NFATC4: variants seen among roughly 807,000 people sequenced by gnomAD.
NFATC4 encodes nuclear factor of activated T cells 4.
In NFATC4, 25 loss-of-function variants were observed where a neutral mutation model predicts 73.4. The observed-to-expected ratio is 0.34, with a 90% CI of 0.25 to 0.48. The LOEUF (loss-of-function observed/expected upper bound fraction) is 0.48, where lower values mean the gene tolerates loss of function less well. NFATC4 is among the 20% of genes least tolerant of loss of function. The probability of loss-of-function intolerance (pLI) is 0.99; values close to 1 mark genes in which losing one functional copy is unlikely to be tolerated. For missense variants in NFATC4, 1,130 were observed against 1,203.7 expected (o/e 0.94, Z 0.91); for synonymous variants, 523 against 510.3 (o/e 1.02, Z -0.34).
At chr14:24,367,566 A>G (rs2042339302), upstream of NFATC4, 3 of 1,536,118 alleles carry the variant, frequency 2.0e-6, no homozygotes, top group Non-Finnish European at 2.6e-6. Flanking sequence ...AGCGTTCTTC[A>G]TCTTTGGGGG....
intron 5 of NFATC4, 162 bp from the exon 6 acceptor site, chr14:24,374,164 G>C (rs761720030): frequency 1.0e-6 from 1 of 998,258 alleles, no homozygotes; most frequent in South Asian, 1.4e-5. Context: ...CCCCTTACAT[G>C]GTGTATGTGA....
chr14:24,370,193 A>G lies in NFATC4; in HGVS notation c.795A>G (p.Pro265=), dbSNP rs772411227. 1.9e-6 allele frequency: 3 copies of G among 1,607,746 alleles called. No homozygotes were observed. Among genetic ancestry groups the G allele is most frequent in the Non-Finnish European group, 2.5e-6 (3 of 1,179,864 alleles). The stretch of plus-strand genomic sequence containing the variant: ...CAGCCTCCCCGCGGCCTGCCTCTCC[A>G]TGTGGCAAGCGGCGCTATTCCAGCT... The part of the protein sequence containing the change: ...PTPASPRPAS[P]CGKRRYSSSG... Residue 265 remains proline, a synonymous_variant, in exon 2 of 10, where the codon CCA becomes CCG. Coordinates refer to ENST00000250373, the MANE Select transcript of NFATC4 (RefSeq NM_004554.5).
In NFATC4 at chr14:24,377,304, A is replaced by T. The variant is rs2042650394; in HGVS notation, c.2642-334A>T. On this transcript the variant is annotated intron_variant, in intron 9 of 9. Transcript: ENST00000250373. This position sits in a 1 kb window ranked among gnomAD's most constrained non-coding sequence, Gnocchi z 4.2. ...GTGTCTGTGGTCAGGGTTGGTGAGG[A>T]GGAGCTTTCCTGTTTTGCCTCTCCT... 4 of 1,267,854 alleles carry T rather than the reference A, an allele frequency of 3.2e-6. No individual in the cohort carries two copies. Among genetic ancestry groups the T allele is most frequent in the Non-Finnish European group, 4.0e-6 (4 of 1,006,578 alleles). The allele number at this position is 1,267,854 out of a possible 1,614,324, so 78.5% of individuals were successfully genotyped here. A position where few individuals can be genotyped will look rare whatever the true frequency, so the allele number is the denominator to read the frequency against.
chr14:24,373,945 C>A lies in NFATC4; in HGVS notation c.1732+78C>A. 1.3e-6 allele frequency: 2 copies of A among 1,568,764 alleles called. No homozygotes were observed. Among genetic ancestry groups the A allele is most frequent in the South Asian group, 1.1e-5 (1 of 87,650 alleles). ...GTGTGTGTGTGTCTGTCTGCCCATT[C>A]CCTCTGCAGCGTCCTGTGCCCTGTC... On this transcript the variant is annotated intron_variant, in intron 5 of 9. Transcript: ENST00000250373. This position sits in a 1 kb window ranked among gnomAD's most constrained non-coding sequence, Gnocchi z 4.7.
intron 5 of NFATC4, 39 bp from the exon 6 acceptor site, chr14:24,374,287 C>T (rs1413931949): frequency 6.4e-7 from 1 of 1,574,356 alleles, no homozygotes; most frequent in Non-Finnish European, 8.6e-7. Context: ...CCCCTCCATG[C>T]CCAGCCCAGC....
In NFATC4 at chr14:24,369,306, G is replaced by A. The variant is rs959863269; in HGVS notation, c.101-193G>A. 2.5e-6 allele frequency: 4 copies of A among 1,576,450 alleles called. No homozygotes were observed. The Admixed American group carries it at 7.2e-5, about 28-fold the overall frequency. On this transcript the variant is annotated intron_variant, in intron 1 of 9. Transcript: ENST00000250373. ...AGGATCCAGGGGCCAGTGGGCAAAGGCCTGGCATGCCTGCTTCAATCTCCT... is the reference window on the plus strand; with the variant it reads ...AGGATCCAGGGGCCAGTGGGCAAAGACCTGGCATGCCTGCTTCAATCTCCT...
At position 24,377,026 on chromosome 14, in the gene NFATC4, T is replaced by TG; in HGVS notation, c.2641+149dup. Reference sequence around the variant, plus strand: ...AGGTTCCCAGGAGGCATGTTCTTGATGCCTGTGGCTGCCTGAATCCAATTA... The same window carrying TG: ...AGGTTCCCAGGAGGCATGTTCTTGATGGCCTGTGGCTGCCTGAATCCAATTA... On this transcript the variant is annotated intron_variant, in intron 9 of 9. Transcript: ENST00000250373. This position sits in a 1 kb window ranked among gnomAD's most constrained non-coding sequence, Gnocchi z 4.2. 1 of 1,390,830 alleles carries TG rather than the reference T, an allele frequency of 7.2e-7. No homozygotes were observed. Among genetic ancestry groups the TG allele is most frequent in the Non-Finnish European group, 9.3e-7 (1 of 1,078,390 alleles). The allele number at this position is 1,390,830 out of a possible 1,614,324, so 86.2% of individuals were successfully genotyped here. A position where few individuals can be genotyped will look rare whatever the true frequency, so the allele number is the denominator to read the frequency against.
intron 3 of NFATC4, 111 bp downstream of exon 3, chr14:24,372,714 C>A (rs566242174): frequency 3.6e-6 from 5 of 1,400,126 alleles, no homozygotes; most frequent in Non-Finnish European, 4.9e-6. Context: ...TCTGACCCTG[C>A]AGGCAGCCTG....
chr14:24,375,844 T>C (rs796901323), intron 7 of NFATC4, 129 bp downstream of exon 7: 1 of 1,535,984 alleles, frequency 6.5e-7, no homozygotes, highest in Non-Finnish European at 9.0e-7. Context: ...TGTAAGCAGG[T>C]GCATCTCTAG....
Position 24,370,606 on chromosome 14 carries a change from G to A in NFATC4, c.1196+12G>A, listed in dbSNP as rs778422832. ...AGCCCTATCTTCAGGTGAGGGTTGC[G>A]CCTGGCACTACCGCTCTCTCTAGCC... On this transcript the variant is annotated intron_variant, in intron 2 of 9. Coordinates refer to ENST00000250373, the MANE Select transcript of NFATC4 (RefSeq NM_004554.5). The A allele has an allele frequency of 3.3e-5, 53 of 1,596,408 alleles. No individual in the cohort carries two copies. Among genetic ancestry groups the A allele is most frequent in the Admixed American group, 6.7e-5 (4 of 59,464 alleles).
chr14:24,377,488 G>A lies in NFATC4; in HGVS notation c.2642-150G>A, dbSNP rs955775812. On this transcript the variant is annotated intron_variant, in intron 9 of 9. Transcript: ENST00000250373. This position sits in a 1 kb window ranked among gnomAD's most constrained non-coding sequence, Gnocchi z 4.2. ...GGAGCAGGTGTCAAGACGTGTTGGG[G>A]AAACTGAGGCCCAGTGGAATAGAAG... 1 of 1,459,776 alleles carries A rather than the reference G, an allele frequency of 6.9e-7. No homozygotes were observed. The highest frequency in any genetic ancestry group is 9.0e-7 in the Non-Finnish European group (1 of 1,109,172). The allele number at this position is 1,459,776 out of a possible 1,614,324, so 90.4% of individuals were successfully genotyped here. A position where few individuals can be genotyped will look rare whatever the true frequency, so the allele number is the denominator to read the frequency against.
chr14:24,368,408 C>G lies in NFATC4; in HGVS notation c.68C>G (p.Ala23Gly), dbSNP rs775812863. The change falls in exon 1 of 10, where the codon GCC becomes GGC. Residue 23 changes from alanine to glycine, a missense_variant. By Grantham distance (60) the Ala-to-Gly change is moderately conservative (BLOSUM62 0). Around this residue, in one of 3 missense-constraint regions of NFATC4, gnomAD observed 585 missense variants for 574.3 expected, o/e 1.02. Transcript: ENST00000250373. ...FKLVFGEEKEAPPLGAGGLGE... is the reference protein window; with the variant it reads ...FKLVFGEEKEGPPLGAGGLGE... Reference sequence around the variant, plus strand: ...CTGGTGTTCGGGGAGGAAAAGGAGGCCCCCCCGCTGGGCGCGGGGGGATTG... The same window carrying G: ...CTGGTGTTCGGGGAGGAAAAGGAGGGCCCCCCGCTGGGCGCGGGGGGATTG... The G allele has an allele frequency of 3.7e-6, 5 of 1,345,382 alleles. No homozygotes were observed. The highest frequency in any genetic ancestry group is 4.8e-6 in the Non-Finnish European group (5 of 1,046,224). 83.3% of individuals were successfully genotyped at this position (1,345,382 alleles called of 1,614,324 possible). A position where few individuals can be genotyped will look rare whatever the true frequency, so the allele number is the denominator to read the frequency against.
intron 3 of NFATC4, chr14:24,372,853 C>T: frequency 1.6e-6 from 1 of 609,992 alleles, no homozygotes; most frequent in South Asian, 2.0e-5. Context: ...AAATGGTGGC[C>T]CGCCAGATAT....
upstream of NFATC4, chr14:24,367,929 T>A: frequency 7.9e-7 from 1 of 1,271,178 alleles, no homozygotes; most frequent in Non-Finnish European, 9.9e-7. Context: ...GGGAAATGAT[T>A]GTCACAACGG....
Position 24,378,732 on chromosome 14 carries a change from G to T in NFATC4, c.*1027G>T, listed in dbSNP as rs1361336744. ...TACCCAGCAGCTCTGAATGTCACCT[G>T]CCCTGGGGCTTACAGCACTATATGA... is the stretch of plus-strand genomic sequence containing the variant. On this transcript the variant is annotated 3_prime_UTR_variant, in exon 10 of 10. Coordinates refer to ENST00000250373, the MANE Select transcript of NFATC4 (RefSeq NM_004554.5). 6.6e-6 allele frequency: 1 copy of T among 152,322 alleles called. No individual in the cohort carries two copies. The highest frequency in any genetic ancestry group is 1.5e-5 in the Non-Finnish European group (1 of 68,108). 9.4% of individuals were successfully genotyped at this position (152,322 alleles called of 1,614,324 possible).
upstream of NFATC4, chr14:24,366,969 TG>T (rs1343448957): frequency 1.3e-6 from 2 of 1,570,254 alleles, no homozygotes; most frequent in Non-Finnish European, 1.7e-6. Context: ...GGGGCGGCGT[TG>T]GGGGTGCGGC....
In NFATC4 at chr14:24,370,571, T is replaced by C. The variant is rs759980664; in HGVS notation, c.1173T>C (p.Ile391=). The C allele has an allele frequency of 5.6e-6, 9 of 1,610,880 alleles. No individual in the cohort carries two copies. The East Asian group carries it at 2.0e-4, about 36-fold the overall frequency. Residue 391 remains isoleucine, a synonymous_variant, in exon 2 of 10, where the codon ATT becomes ATC. Coordinates refer to ENST00000250373, the MANE Select transcript of NFATC4 (RefSeq NM_004554.5). ...PSPLAWSKAR[I]GGHSPIFRTS... ...CACTCGCTTGGTCCAAGGCCCGGAT[T>C]GGGGGACACAGCCCTATCTTCAGGT...
At chr14:24,367,110 G>A (rs763424579), upstream of NFATC4, 22 of 1,613,692 alleles carry the variant, frequency 1.4e-5, no homozygotes, top group Admixed American at 1.3e-4. Context: ...ATCTCCCACC[G>A]AGTCACGAAT....
rs2042642587 is a variant in NFATC4 at position 24,376,982 on chromosome 14, G to A, written c.2641+104G>A. ...GCTTTTCAGAGATCGGGCATCCCTG[G>A]TCTCTCAGGGCCAGTTGGAGGTTCC... is the stretch of plus-strand genomic sequence containing the variant. On this transcript the variant is annotated intron_variant, in intron 9 of 9. Coordinates refer to ENST00000250373, the MANE Select transcript of NFATC4 (RefSeq NM_004554.5). The surrounding 1 kb of genome is among the most constrained non-coding windows in gnomAD (Gnocchi z 5.0). 2.8e-6 allele frequency: 4 copies of A among 1,419,456 alleles called. No homozygotes were observed. The highest frequency in any genetic ancestry group is 3.1e-5 in the South Asian group (2 of 63,794). 87.9% of individuals were successfully genotyped at this position (1,419,456 alleles called of 1,614,324 possible).
Sources: gnomAD v4.1 joint callset for allele counts on GRCh38, gnomAD v4.1.1 for gene constraint, gnomAD v4.1.1 regional missense constraint, Gnocchi (gnomAD v3.1) non-coding constraint, MANE v1.5 for transcripts, NCBI Gene and HGNC (gene_info 2026-07-23, HGNC 2026-07-21) for gene names.